PRKN: variants seen among roughly 807,000 people sequenced by gnomAD.
PRKN encodes E3 ubiquitin-protein ligase parkin.
Under a neutral mutation model 59.5 loss-of-function variants are expected in PRKN, and 56 were observed. The observed-to-expected ratio is 0.94, with a 90% CI of 0.76 to 1.18. PRKN has a LOEUF of 1.18. Among genes scored for constraint, PRKN ranks in the 50% most tolerant of loss-of-function variants. The probability of loss-of-function intolerance (pLI) is 0.00; values close to 1 mark genes in which losing one functional copy is unlikely to be tolerated. For synonymous variants in PRKN, 250 were observed against 222.1 expected (o/e 1.13, Z -1.12); for missense variants, 657 against 596.4 (o/e 1.10, Z -1.06).
At chr6:162,393,155 C>CTTTTTTTTTTTTTTTT (rs1177332315) in intron 2 of PRKN, among the ~76,000 whole-genome samples, 1,390 of 80,156 alleles carry the variant, frequency 0.017, 274 homozygotes, top group East Asian at 0.052. Context: ...ATAGGAGATT[C>CTTTTTTTTTTTTTTTT]TTTTTTTTTT....
At chr6:162,635,921 C>T (rs2226769) in intron 1 of PRKN, among the ~76,000 whole-genome samples, 9,941 of 152,000 alleles carry the variant, frequency 0.065, 484 homozygotes, top group East Asian at 0.3. Context: ...GGAGAAAAAG[C>T]CTCCCAAATG....
At chr6:161,514,677 T>G (rs1778520055) in intron 9 of PRKN, among the ~76,000 whole-genome samples, 1 of 152,102 alleles carries the variant, frequency 6.6e-6, no homozygotes, top group Non-Finnish European at 1.5e-5. Flanking sequence ...GGCTGGTATC[T>G]GGGACCTCAT....
chr6:162,211,633 C>G (rs1477968860), intron 3 of PRKN, among the ~76,000 whole-genome samples: 1 of 152,104 alleles, frequency 6.6e-6, no homozygotes, highest in Non-Finnish European at 1.5e-5. Flanking sequence ...CCTCCAAACT[C>G]CCACATTCTT....
Position 161,347,613 on chromosome 6 carries a change from G to GTTTTTTTTTTTTTTTTTTTTTTTTT in PRKN, c.*2485_*2486insAAAAAAAAAAAAAAAAAAAAAAAAA, listed in dbSNP as rs763588687. On this transcript the variant is annotated 3_prime_UTR_variant, in exon 12 of 12. Coordinates refer to ENST00000366898, the MANE Select transcript of PRKN (RefSeq NM_004562.3). ...GTGTAGTGGATGATCTTGCTTTTTT[G>GTTTTTTTTTTTTTTTTTTTTTTTTT]TTTTTGTTTTTTTTTTTTTTTTGAG... The GTTTTTTTTTTTTTTTTTTTTTTTTT allele has an allele frequency of 4.2e-5, 5 of 119,274 alleles. 2 individuals are homozygous for GTTTTTTTTTTTTTTTTTTTTTTTTT. Among genetic ancestry groups the GTTTTTTTTTTTTTTTTTTTTTTTTT allele is most frequent in the Non-Finnish European group, 3.4e-5 (2 of 58,082 alleles). The allele number at this position is 119,274 out of a possible 1,614,324, so 7.4% of individuals were successfully genotyped here. A position where few individuals can be genotyped will look rare whatever the true frequency, so the allele number is the denominator to read the frequency against.
intron 7 of PRKN, among the ~76,000 whole-genome samples, chr6:161,781,581 G>A (rs1790207255): frequency 1.3e-5 from 2 of 152,124 alleles, no homozygotes; most frequent in Non-Finnish European, 2.9e-5. Flanking sequence ...TTTTCAAGGA[G>A]GTTGTTAGTT....
intron 7 of PRKN, among the ~76,000 whole-genome samples, chr6:161,734,653 G>C (rs762077814): frequency 6.6e-6 from 1 of 152,104 alleles, no homozygotes; most frequent in Non-Finnish European, 1.5e-5. Context: ...AAATTTCTTG[G>C]CATAGGTGAG....
chr6:161,902,560 A>ATTTTT (rs752868786), intron 6 of PRKN, among the ~76,000 whole-genome samples: 1 of 125,330 alleles, frequency 8.0e-6, no homozygotes, highest in Non-Finnish European at 1.6e-5. Flanking sequence ...TTATTTATTT[A>ATTTTT]TTTATTTTTT....
intron 5 of PRKN, among the ~76,000 whole-genome samples, chr6:161,996,966 C>T (rs1225599625): frequency 1.3e-5 from 2 of 152,072 alleles, no homozygotes; most frequent in Admixed American, 6.6e-5. Context: ...CAGCGGGTAG[C>T]TAGCTCACAA....
intron 1 of PRKN, among the ~76,000 whole-genome samples, chr6:162,638,660 A>C: frequency 6.6e-6 from 1 of 150,704 alleles, no homozygotes. Flanking sequence ...AAAAACTTTC[A>C]CTGCGCCCCA....
intron 7 of PRKN, among the ~76,000 whole-genome samples, chr6:161,643,953 T>C (rs978435017): frequency 3.0e-5 from 4 of 133,434 alleles, no homozygotes; most frequent in African/African-American, 5.8e-5. Flanking sequence ...TTTTTTAGCC[T>C]GTCTTAAGAT....
chr6:162,404,736 G>A (rs966840912), intron 2 of PRKN, among the ~76,000 whole-genome samples: 2 of 152,128 alleles, frequency 1.3e-5, no homozygotes, highest in African/African-American at 4.8e-5. Context: ...ATTTTGAGTA[G>A]AGACGGGGTT....
intron 1 of PRKN, among the ~76,000 whole-genome samples, chr6:162,500,407 G>A (rs912382624): frequency 5.8e-4 from 73 of 125,256 alleles, no homozygotes; most frequent in African/African-American, 2.0e-3. Flanking sequence ...CCCGACCTCA[G>A]GTGATCCACC....
intron 1 of PRKN, among the ~76,000 whole-genome samples, chr6:162,518,392 A>T (rs73037940): frequency 0.089 from 13,616 of 152,174 alleles, 661 homozygotes; most frequent in South Asian, 0.17. Flanking sequence ...TTTGAGACAG[A>T]ATCTCAACTG....
intron 9 of PRKN, among the ~76,000 whole-genome samples, chr6:161,418,152 G>A (rs1375804060): frequency 6.6e-6 from 1 of 152,214 alleles, no homozygotes; most frequent in Admixed American, 6.5e-5. Flanking sequence ...TTTAAATAAA[G>A]TTACAGAATG....
intron 5 of PRKN, among the ~76,000 whole-genome samples, chr6:162,036,954 C>G (rs985607374): frequency 4.6e-5 from 7 of 152,046 alleles, no homozygotes; most frequent in Non-Finnish European, 7.4e-5. Context: ...GGCAATTTTA[C>G]ATGAGATGTC....
At chr6:162,077,419 G>A (rs1164463512) in intron 4 of PRKN, among the ~76,000 whole-genome samples, 2 of 152,086 alleles carry the variant, frequency 1.3e-5, no homozygotes, top group African/African-American at 4.8e-5. Flanking sequence ...TCCCACCACA[G>A]TTCAGCAATG....
intron 5 of PRKN, among the ~76,000 whole-genome samples, chr6:162,011,476 A>ATATATTATATATATTATAATATATAC (rs1333344216): frequency 2.5e-5 from 1 of 40,732 alleles, no homozygotes; most frequent in Non-Finnish European, 3.7e-5. Context: ...ATAATATATA[A>ATATATTATATATATTATAATATATAC]TATATTATAA....
At position 161,353,152 on chromosome 6, in the gene PRKN, T is replaced by G. The variant is rs2114837979; in HGVS notation, c.1286-2941A>C. Among the ~76,000 whole-genome samples, 1 of 152,284 alleles carries G rather than the reference T, an allele frequency of 6.6e-6. No individual in the cohort carries two copies. Among genetic ancestry groups the G allele is most frequent in the Non-Finnish European group, 1.5e-5 (1 of 68,026 alleles). ...CTTGTTACAGTCTTTTGTCATAATG[T>G]TGGGGCAATTCAGGCCTCAGAAACA... On this transcript the variant is annotated intron_variant, in intron 11 of 11. Transcript: ENST00000366898. The surrounding 1 kb of genome is among the most constrained non-coding windows in gnomAD (Gnocchi z 4.8).
chr6:162,061,216 T>TCACATGCA (rs777081599), intron 4 of PRKN, among the ~76,000 whole-genome samples: 16 of 152,186 alleles, frequency 1.1e-4, no homozygotes, highest in Non-Finnish European at 2.1e-4. Context: ...AATACCTACT[T>TCACATGCA]CACAGAGTGT....
Sources: allele counts gnomAD v4.1 joint callset (sites outside exome capture counted in the v4.1 genomes callset), GRCh38; gene constraint gnomAD v4.1.1; non-coding constraint Gnocchi (gnomAD v3.1); transcripts MANE v1.5; gene names NCBI Gene and HGNC (gene_info 2026-07-23, HGNC 2026-07-21).